The following ANK3 variants were observed in gnomAD, a reference collection of about 807,000 sequenced individuals.
ANK3 encodes the protein ankyrin-3.
In ANK3, 57 loss-of-function variants were observed where a neutral mutation model predicts 370.9. That is an observed-to-expected ratio of 0.15 (90% CI 0.12 to 0.19). The LOEUF (loss-of-function observed/expected upper bound fraction) is 0.19. ANK3 is among the 10% of genes least tolerant of loss of function. The pLI is 1.00. For synonymous variants in ANK3, 1,929 were observed against 1,946.3 expected (o/e 0.99, Z 0.23); for missense variants, 4,439 against 5,302.1 (o/e 0.84, Z 5.06).
intron 16 of ANK3, among the ~76,000 whole-genome samples, chr10:60,192,650 T>A (rs184636801): frequency 1.3e-5 from 2 of 152,182 alleles, no homozygotes; most frequent in Non-Finnish European, 1.5e-5. Context: ...TGTGTGCACA[T>A]GGACATAAAG....
At chr10:60,080,298 T>C (rs1020737063) in intron 36 of ANK3, among the ~76,000 whole-genome samples, 7 of 152,200 alleles carry the variant, frequency 4.6e-5, no homozygotes, top group African/African-American at 1.7e-4. Context: ...GTAATACATG[T>C]TTCTAATTTA....
At chr10:60,469,321 A>ATATATATACATATACCACTTTTAGTG (rs2065122074) in intron 2 of ANK3, among the ~76,000 whole-genome samples, 1 of 119,914 alleles carries the variant, frequency 8.3e-6, no homozygotes, top group African/African-American at 3.1e-5. Flanking sequence ...CTTTTAGTGT[A>ATATATATACATATACCACTTTTAGTG]TATATATATA....
At chr10:60,599,884 C>A (rs189398297) in intron 2 of ANK3, among the ~76,000 whole-genome samples, 1 of 152,160 alleles carries the variant, frequency 6.6e-6, no homozygotes, top group African/African-American at 2.4e-5. Context: ...TCTCTGTCCT[C>A]TCTTCTACAA....
chr10:60,549,978 A>G (rs960357322), intron 2 of ANK3, among the ~76,000 whole-genome samples: 2 of 152,144 alleles, frequency 1.3e-5, no homozygotes, highest in African/African-American at 4.8e-5. Context: ...AATGCCTTCA[A>G]AGAAATAAGC....
intron 2 of ANK3, among the ~76,000 whole-genome samples, chr10:60,543,236 T>C (rs572209702): frequency 6.6e-6 from 1 of 152,098 alleles, no homozygotes; most frequent in East Asian, 1.9e-4. Flanking sequence ...ATTTGGGGGA[T>C]ACTCTGTGGA....
chr10:60,362,273 T>G (rs924023200), intron 1 of ANK3, among the ~76,000 whole-genome samples: 20 of 152,250 alleles, frequency 1.3e-4, no homozygotes, highest in African/African-American at 3.9e-4. Context: ...CTTTGCACAC[T>G]TGTTTAACTA....
chr10:60,056,126 G>A, intron 41 of ANK3, 90 bp from the exon 42 acceptor site: 1 of 1,424,606 alleles, frequency 7.0e-7, no homozygotes, highest in Non-Finnish European at 9.4e-7. Context: ...TGTGTCTTTT[G>A]CCTACTTCTG....
chr10:60,450,466 C>T (rs1274284494), intron 2 of ANK3, among the ~76,000 whole-genome samples: 1 of 151,920 alleles, frequency 6.6e-6, no homozygotes, highest in East Asian at 1.9e-4. Context: ...TCCAGCACAC[C>T]CCTGGAAAAA....
intron 2 of ANK3, among the ~76,000 whole-genome samples, chr10:60,546,672 A>G (rs1214640743): frequency 2.0e-5 from 3 of 152,178 alleles, no homozygotes; most frequent in Non-Finnish European, 4.4e-5. Flanking sequence ...ACAACAAGCA[A>G]CTGAGCTTAA....
At chr10:60,393,094 T>A (rs1006073687), upstream of ANK3, among the ~76,000 whole-genome samples, 7 of 152,232 alleles carry the variant, frequency 4.6e-5, no homozygotes, top group African/African-American at 1.7e-4. Flanking sequence ...TACAGAGAGA[T>A]CTTTCAAATT....
intron 2 of ANK3, among the ~76,000 whole-genome samples, chr10:60,457,879 G>A (rs1274065227): frequency 6.6e-6 from 1 of 152,076 alleles, no homozygotes; most frequent in Non-Finnish European, 1.5e-5. Context: ...GTGGGCGGTA[G>A]TGTAGTAGAG....
chr10:60,056,312 T>C (rs1372564377), intron 41 of ANK3, among the ~76,000 whole-genome samples: 1 of 151,964 alleles, frequency 6.6e-6, no homozygotes, highest in Non-Finnish European at 1.5e-5. Context: ...CTACTAAAAA[T>C]ACTAAAATTA....
At chr10:60,684,119 A>C (rs7895181) in intron 1 of ANK3, among the ~76,000 whole-genome samples, 1,789 of 152,346 alleles carry the variant, frequency 0.012, 35 homozygotes, top group African/African-American at 0.04. Flanking sequence ...TGAAGCAAGA[A>C]AAGTATTAAC....
intron 2 of ANK3, among the ~76,000 whole-genome samples, chr10:60,410,735 T>C (rs563893766): frequency 6.6e-6 from 1 of 151,466 alleles, no homozygotes; most frequent in South Asian, 2.1e-4. Flanking sequence ...TGTGCAATCA[T>C]AGCTCACCGC....
chr10:60,041,644 G>T (rs2393582), intron 43 of ANK3, among the ~76,000 whole-genome samples: 114,225 of 152,072 alleles, frequency 0.75, 43,049 homozygotes, highest in African/African-American at 0.79. Context: ...CTGCAGTTCT[G>T]AGTGGTCTTC....
intron 7 of ANK3, among the ~76,000 whole-genome samples, chr10:60,242,315 C>T (rs746287837): frequency 1.7e-4 from 26 of 152,074 alleles, no homozygotes; most frequent in Non-Finnish European, 3.2e-4. Context: ...TTCATCACAC[C>T]GCTCTACAGT....
At chr10:60,240,024 CACAT>C (rs2097403358) in intron 7 of ANK3, among the ~76,000 whole-genome samples, 1 of 53,106 alleles carries the variant, frequency 1.9e-5, no homozygotes, top group Non-Finnish European at 4.4e-5. Context: ...CACATATATA[CACAT>C]ATATATACAC....
intron 5 of ANK3, among the ~76,000 whole-genome samples, chr10:60,264,320 A>C (rs1030916869): frequency 1.3e-5 from 2 of 152,122 alleles, no homozygotes; most frequent in Non-Finnish European, 2.9e-5. Context: ...CTACATATAA[A>C]AGAAAAAGTT....
chr10:60,231,302 A>G (rs2097240378), intron 8 of ANK3, among the ~76,000 whole-genome samples: 1 of 152,196 alleles, frequency 6.6e-6, no homozygotes, highest in African/African-American at 2.4e-5. Context: ...TTTTAAACTG[A>G]ATCCTCTATT....
Sources: gnomAD v4.1 joint callset for allele counts (sites outside exome capture counted in the v4.1 genomes callset) on GRCh38, gnomAD v4.1.1 for gene constraint, MANE v1.5 for transcripts, NCBI Gene and HGNC (gene_info 2026-07-23, HGNC 2026-07-21) for gene names.